DNM3: variants seen among roughly 807,000 people sequenced by gnomAD.
The protein encoded by DNM3 is dynamin 3.
A neutral mutation model predicts 101.6 loss-of-function variants in DNM3; 47 were observed. That is an observed-to-expected ratio of 0.46 (90% CI 0.37 to 0.59). DNM3 has a LOEUF of 0.59. Among genes scored for constraint, DNM3 ranks in the 20% least tolerant of loss-of-function variants. The probability of loss-of-function intolerance (pLI) is 0.00; values close to 1 mark genes in which losing one functional copy is unlikely to be tolerated. For missense variants in DNM3, 849 were observed against 1,085.7 expected (o/e 0.78, Z 3.06); for synonymous variants, 385 against 387.9 (o/e 0.99, Z 0.09).
chr1:172,266,237 T>C (rs1182592892), intron 15 of DNM3, among the ~76,000 whole-genome samples: 3 of 152,202 alleles, frequency 2.0e-5, no homozygotes, highest in African/African-American at 7.2e-5. Flanking sequence ...TACTAAGACA[T>C]GCTCAGAGTT....
At chr1:172,364,546 C>A (rs930324008) in intron 17 of DNM3, among the ~76,000 whole-genome samples, 10 of 151,758 alleles carry the variant, frequency 6.6e-5, no homozygotes, top group Admixed American at 3.3e-4. Flanking sequence ...TTTTTAATAA[C>A]AAATTGCAAG....
At chr1:171,998,629 G>C (rs2046165521) in intron 4 of DNM3, among the ~76,000 whole-genome samples, 1 of 152,052 alleles carries the variant, frequency 6.6e-6, no homozygotes, top group Admixed American at 6.6e-5. Flanking sequence ...TATTCTAATG[G>C]GGGAAACAGC....
intron 17 of DNM3, among the ~76,000 whole-genome samples, chr1:172,329,154 T>G (rs1047132562): frequency 1.1e-4 from 17 of 152,154 alleles, no homozygotes; most frequent in African/African-American, 4.1e-4. Flanking sequence ...TAAAGCCTTC[T>G]GTCTATCTTT....
At chr1:172,234,947 C>T (rs1426190850) in intron 14 of DNM3, among the ~76,000 whole-genome samples, 3 of 152,148 alleles carry the variant, frequency 2.0e-5, no homozygotes, top group Non-Finnish European at 2.9e-5. Flanking sequence ...TGGGCAAGGA[C>T]TTCATGACTA....
At chr1:171,900,025 G>A (rs2038162364) in intron 1 of DNM3, among the ~76,000 whole-genome samples, 1 of 152,220 alleles carries the variant, frequency 6.6e-6, no homozygotes, top group African/African-American at 2.4e-5. Context: ...GGAGTTCAGT[G>A]TACAGCAAAA....
At chr1:172,012,135 C>T (rs548228974) in intron 4 of DNM3, among the ~76,000 whole-genome samples, 2 of 152,014 alleles carry the variant, frequency 1.3e-5, no homozygotes, top group African/African-American at 4.8e-5. Flanking sequence ...TAGACTCAAA[C>T]ATGTAATGGT....
intron 2 of DNM3, among the ~76,000 whole-genome samples, chr1:171,937,657 T>C (rs548403725): frequency 6.6e-6 from 1 of 152,210 alleles, no homozygotes; most frequent in East Asian, 1.9e-4. Flanking sequence ...GCAACCTTGA[T>C]CTCCCAGGCT....
At chr1:171,910,068 C>A (rs74814797) in intron 1 of DNM3, among the ~76,000 whole-genome samples, 14,211 of 152,236 alleles carry the variant, frequency 0.093, 825 homozygotes, top group South Asian at 0.23. Context: ...AACCTTTTCT[C>A]ATGGAAGACA....
intron 14 of DNM3, among the ~76,000 whole-genome samples, chr1:172,167,398 A>G (rs2058790423): frequency 6.6e-6 from 1 of 152,074 alleles, no homozygotes; most frequent in African/African-American, 2.4e-5. Context: ...ATGTGTCTTG[A>G]TAGCAGCATG....
rs543189931 is a variant in DNM3 at position 172,224,270 on chromosome 1, G to A, written c.1660-29303G>A. 3.4e-4 allele frequency among the ~76,000 whole-genome samples: 52 copies of A among 152,164 alleles called. 1 individual carries two copies. Among genetic ancestry groups the A allele is most frequent in the African/African-American group, 1.2e-3 (48 of 41,508 alleles). Reference sequence around the variant, plus strand: ...CCCTTTCATATAGTGAATCCTCAATGCACTTAATGAATTTTAGTACATTTT... The same window carrying A: ...CCCTTTCATATAGTGAATCCTCAATACACTTAATGAATTTTAGTACATTTT... On this transcript the variant is annotated intron_variant, in intron 14 of 20. Transcript: ENST00000627582.
chr1:172,011,892 C>G (rs752565815), intron 4 of DNM3, among the ~76,000 whole-genome samples: 8 of 152,004 alleles, frequency 5.3e-5, no homozygotes, highest in Non-Finnish European at 8.8e-5. Context: ...AAGGAACAAT[C>G]AAGACAAATT....
rs138942214 is a variant in DNM3 at position 171,963,768 on chromosome 1, G to GTATA, written c.236-23877_236-23874dup. 3.6e-3 allele frequency among the ~76,000 whole-genome samples: 535 copies of GTATA among 148,028 alleles called. 28 individuals are homozygous for GTATA. The East Asian group carries it at 0.092, about 25-fold the overall frequency. On this transcript the variant is annotated intron_variant, in intron 2 of 20. Transcript: ENST00000627582. ...TATATATTATCTCTATATAGATAAC[G>GTATA]TATATATATATATAAAATCACAGCC...
chr1:172,058,960 A>C (rs2050900298), intron 10 of DNM3, among the ~76,000 whole-genome samples: 1 of 152,210 alleles, frequency 6.6e-6, no homozygotes, highest in African/African-American at 2.4e-5. Flanking sequence ...AGACTAATAA[A>C]GGAGAAAAGA....
intron 14 of DNM3, among the ~76,000 whole-genome samples, chr1:172,247,656 C>CTTACTTAT (rs142204811): frequency 0.42 from 56,114 of 135,008 alleles, 11,631 homozygotes; most frequent in East Asian, 0.54. Flanking sequence ...ATTATTATTT[C>CTTACTTAT]TTATTTATTT....
chr1:172,316,920 A>T (rs1444664716), intron 16 of DNM3, among the ~76,000 whole-genome samples: 2 of 152,218 alleles, frequency 1.3e-5, no homozygotes, highest in East Asian at 3.8e-4. Context: ...CTCCACCCCA[A>T]ATCAATAGAA....
At chr1:172,271,334 T>A (rs1320832433) in intron 15 of DNM3, among the ~76,000 whole-genome samples, 3 of 152,180 alleles carry the variant, frequency 2.0e-5, no homozygotes, top group African/African-American at 7.2e-5. Flanking sequence ...AAATGAGGTT[T>A]TAAAAATATT....
chr1:172,320,129 A>G (rs2065626803), intron 16 of DNM3, among the ~76,000 whole-genome samples: 1 of 151,356 alleles, frequency 6.6e-6, no homozygotes, highest in Non-Finnish European at 1.5e-5. Context: ...AACTATCGCA[A>G]GGACAAAAAC....
intron 13 of DNM3, among the ~76,000 whole-genome samples, chr1:172,104,445 T>C (rs2054868690): frequency 6.6e-6 from 1 of 152,144 alleles, no homozygotes; most frequent in Non-Finnish European, 1.5e-5. Context: ...TTTTCATGCT[T>C]ATTGACCACT....
At chr1:171,871,941 TA>T (rs1409642471) in intron 1 of DNM3, among the ~76,000 whole-genome samples, 1 of 97,320 alleles carries the variant, frequency 1.0e-5, no homozygotes, top group Non-Finnish European at 2.1e-5. Context: ...TAAGAGGTAG[TA>T]ATTTTTTTTT....
Sources: gnomAD v4.1 joint callset for allele counts (sites outside exome capture counted in the v4.1 genomes callset) on GRCh38, gnomAD v4.1.1 for gene constraint, MANE v1.5 for transcripts, NCBI Gene and HGNC (gene_info 2026-07-23, HGNC 2026-07-21) for gene names.